SLC38A8: variants seen among roughly 807,000 people sequenced by gnomAD.
SLC38A8 encodes the protein solute carrier family 38 member 8, also known as amino acid transporter SLC38A8.
A neutral mutation model predicts 46.0 loss-of-function variants in SLC38A8; 65 were observed. That is an observed-to-expected ratio of 1.41 (90% confidence interval 1.16 to 1.74). The LOEUF (loss-of-function observed/expected upper bound fraction) is 1.74. SLC38A8 is among the 40% of genes most tolerant of loss of function. The pLI is 0.00. For missense variants in SLC38A8, 998 were observed against 567.9 expected (o/e 1.76, Z -7.70); for synonymous variants, 447 against 243.7 (o/e 1.83, Z -7.77).
At chr16:84,023,553 G>A (rs192915625) in intron 6 of SLC38A8, among the ~76,000 whole-genome samples, 4 of 152,098 alleles carry the variant, frequency 2.6e-5, no homozygotes, top group Middle Eastern at 3.4e-3. Context: ...AAAGAACCAT[G>A]CACCTCAACA....
chr16:84,036,695 T>A lies in SLC38A8; in HGVS notation c.388+7A>T, dbSNP rs2085302919. 1 of 1,613,906 alleles carries A rather than the reference T, an allele frequency of 6.2e-7. No homozygotes were observed. Among genetic ancestry groups the A allele is most frequent in the East Asian group, 2.2e-5 (1 of 44,866 alleles). ...TGGGCCACCCCGAGTCCCATGAAGG[T>A]ACTTACGCTTCTCCAGCTGGTCCCC... On this transcript the variant is annotated splice_region_variant and intron_variant, in intron 3 of 10. Transcript: ENST00000299709.
At position 84,036,855 on chromosome 16, in the gene SLC38A8, C is replaced by T. The variant is rs756440329; in HGVS notation, c.235G>A (p.Ala79Thr). The change falls in exon 3 of 11, where the codon GCT (alanine) becomes ACT (threonine). Residue 79 changes from alanine to threonine, a missense_variant. Coordinates refer to ENST00000299709, the MANE Select transcript of SLC38A8 (RefSeq NM_001080442.3). ...GTGGCCTGGCCACTGACAGCAGCAG[C>T]ATAGCCCAGGATGACCAGCCCGCTG... ...LISGLVILGY[A>T]AAVSGQATYQ... 1.2e-6 allele frequency: 2 copies of T among 1,613,622 alleles called. No homozygotes were observed. Among genetic ancestry groups the T allele is most frequent in the South Asian group, 1.1e-5 (1 of 91,058 alleles).
rs201194139 is a variant in SLC38A8, at chr16:84,013,010, G to C, written c.1205C>G (p.Pro402Arg). 5.0e-6 allele frequency: 8 copies of C among 1,614,102 alleles called. No homozygotes were observed. Among genetic ancestry groups the C allele is most frequent in the Non-Finnish European group, 5.9e-6 (7 of 1,179,972 alleles). ...ICAMGVEPIG[P>R]RVKCCLEVWG... ...TCTTAGGGACACTTACTTGACTCTT[G>C]GTCCTATAGGCTCGACACCCATTGC... Residue 402 changes from proline (P) to arginine (R), a missense_variant, in exon 10 of 11, where the codon CCA becomes CGA. Coordinates refer to ENST00000299709, the MANE Select transcript of SLC38A8 (RefSeq NM_001080442.3).
At chr16:84,021,963 C>G (rs1279056211) in intron 7 of SLC38A8, among the ~76,000 whole-genome samples, 2 of 152,156 alleles carry the variant, frequency 1.3e-5, no homozygotes, top group East Asian at 1.9e-4. Context: ...ATAAAGCCAC[C>G]AGCCCCACTC....
At position 84,033,323 on chromosome 16, in the gene SLC38A8, C is replaced by T. The variant is rs768086512; in HGVS notation, c.530+5G>A. The T allele has an allele frequency of 6.2e-7, 1 of 1,614,054 alleles. No individual in the cohort carries two copies. ...GCCCCCACCAGGCAGCATCCCAGCC[C>T]TTACCTTGTGTATTTCTGGAAGGCG... On this transcript the variant is annotated splice_donor_5th_base_variant and intron_variant, in intron 4 of 10. Transcript: ENST00000299709.
At chr16:84,020,094 C>T (rs934754791) in intron 7 of SLC38A8, among the ~76,000 whole-genome samples, 1 of 151,986 alleles carries the variant, frequency 6.6e-6, no homozygotes, top group African/African-American at 2.4e-5. Flanking sequence ...ATTGCCCTGG[C>T]AGAGACTCTC....
At chr16:84,010,214 A>G (rs781209204) in intron 10 of SLC38A8, among the ~76,000 whole-genome samples, 9 of 151,230 alleles carry the variant, frequency 6.0e-5, no homozygotes, top group Non-Finnish European at 1.0e-4. Flanking sequence ...GGGACTACAG[A>G]CACACACGAT....
At chr16:84,018,346 C>T (rs994832290) in intron 7 of SLC38A8, among the ~76,000 whole-genome samples, 4 of 151,004 alleles carry the variant, frequency 2.6e-5, no homozygotes, top group African/African-American at 9.7e-5. Flanking sequence ...CATTCTCCTG[C>T]CCTAGCCTCC....
At chr16:84,016,487 T>C (rs778607822) in intron 9 of SLC38A8, 32 bp downstream of exon 9, 1 of 1,606,702 alleles carries the variant, frequency 6.2e-7, no homozygotes, top group South Asian at 1.1e-5. Context: ...GAAGAACAAG[T>C]GGGCAGAAAG....
At chr16:84,021,894 C>T (rs2085100435) in intron 7 of SLC38A8, among the ~76,000 whole-genome samples, 1 of 152,248 alleles carries the variant, frequency 6.6e-6, no homozygotes, top group Admixed American at 6.5e-5. Context: ...AAGTGGCGCG[C>T]AGAGTGTCAC....
chr16:84,032,897 T>TGTGGGTGGGTGAGCATGG (rs1185477499), intron 4 of SLC38A8, among the ~76,000 whole-genome samples: 5 of 139,500 alleles, frequency 3.6e-5, no homozygotes, highest in African/African-American at 1.4e-4. Context: ...GGGGTGCATG[T>TGTGGGTGGGTGAGCATGG]GTGGGTGGGT....
At chr16:84,032,714 C>A (rs1364864781) in intron 4 of SLC38A8, among the ~76,000 whole-genome samples, 1 of 152,216 alleles carries the variant, frequency 6.6e-6, no homozygotes, top group Non-Finnish European at 1.5e-5. Flanking sequence ...CCTGCTGTTT[C>A]TATACAATGT....
intron 5 of SLC38A8, among the ~76,000 whole-genome samples, chr16:84,030,246 C>T (rs2085222215): frequency 6.6e-6 from 1 of 152,072 alleles, no homozygotes; most frequent in Admixed American, 6.6e-5. Flanking sequence ...AAGATCTGCC[C>T]CTGGAGTCTT....
intron 6 of SLC38A8, among the ~76,000 whole-genome samples, chr16:84,024,984 G>A (rs564799161): frequency 6.6e-6 from 1 of 152,138 alleles, no homozygotes; most frequent in Non-Finnish European, 1.5e-5. Flanking sequence ...CCCAGTGCAA[G>A]AATTTTTTTA....
chr16:84,022,763 G>A lies in SLC38A8; in HGVS notation c.805+12C>T, dbSNP rs575654823. ...CCCCACCCTCTGCAGGGGTGCCTGG[G>A]AAGGGCCTTACCCGTCAGTGAATAG... On this transcript the variant is annotated intron_variant, in intron 7 of 10. Coordinates refer to ENST00000299709, the MANE Select transcript of SLC38A8 (RefSeq NM_001080442.3). The A allele has an allele frequency of 2.5e-5, 40 of 1,610,570 alleles. No homozygotes were observed. In the Middle Eastern group the frequency reaches 6.6e-4, roughly 27 times the overall value.
At chr16:84,019,530 G>T (rs2085071439) in intron 7 of SLC38A8, among the ~76,000 whole-genome samples, 1 of 152,160 alleles carries the variant, frequency 6.6e-6, no homozygotes. Flanking sequence ...TGCCATACTG[G>T]CAATTTAATT....
chr16:84,030,014 G>A (rs2085219603), intron 5 of SLC38A8, among the ~76,000 whole-genome samples: 2 of 152,182 alleles, frequency 1.3e-5, no homozygotes, highest in African/African-American at 2.4e-5. Context: ...ATCCCCGCCT[G>A]GTTCACAGCT....
At chr16:84,019,199 T>A (rs1181240129) in intron 7 of SLC38A8, among the ~76,000 whole-genome samples, 1 of 152,070 alleles carries the variant, frequency 6.6e-6, no homozygotes, top group Non-Finnish European at 1.5e-5. Flanking sequence ...CTCAGCCTCC[T>A]GAGTAGCCTG....
intron 10 of SLC38A8, 37 bp from the exon 11 acceptor site, chr16:84,009,914 G>A (rs1555551279): frequency 1.9e-6 from 3 of 1,589,322 alleles, no homozygotes. Context: ...AGCTTTTCTG[G>A]ATTTTTGCAC....
Sources: gnomAD v4.1 joint callset for allele counts (sites outside exome capture counted in the v4.1 genomes callset) on GRCh38, gnomAD v4.1.1 for gene constraint, MANE v1.5 for transcripts, NCBI Gene and HGNC (gene_info 2026-07-23, HGNC 2026-07-21) for gene names.